Variants in DENND5B observed in about 807,000 individuals in gnomAD.
DENND5B encodes the protein DENN domain containing 5B.
A neutral mutation model predicts 140.6 loss-of-function variants in DENND5B; 34 were observed. That is an observed-to-expected ratio of 0.24 (90% confidence interval 0.18 to 0.32). DENND5B has a LOEUF of 0.32. Among genes scored for constraint, DENND5B ranks in the 10% least tolerant of loss-of-function variants. The pLI is 1.00. For missense variants in DENND5B, 1,142 were observed against 1,560.2 expected, an observed-to-expected ratio of 0.73 and a Z score of 4.52; for synonymous variants, 551 against 562.1, an observed-to-expected ratio of 0.98 and a Z score of 0.28.
chr12:31,563,441 G>A (rs1270251774), intron 1 of DENND5B, among the ~76,000 whole-genome samples: 1 of 152,134 alleles, frequency 6.6e-6, no homozygotes, highest in Non-Finnish European at 1.5e-5. Flanking sequence ...TTCCATTCCT[G>A]TGTAAAGCAG....
At chr12:31,433,728 A>C (rs1209443710) in intron 7 of DENND5B, among the ~76,000 whole-genome samples, 2 of 152,192 alleles carry the variant, frequency 1.3e-5, no homozygotes, top group African/African-American at 4.8e-5. Context: ...CAACCTTTTA[A>C]GGAAAGATTT....
Position 31,403,632 on chromosome 12 carries a change from G to A in DENND5B, c.2804-989C>T, listed in dbSNP as rs1181866683. On this transcript the variant is annotated intron_variant, in intron 14 of 20. Transcript: ENST00000389082. ...AAGAAAAAAGAAAACGGCTGGATGT[G>A]GTGGCCTGTAATCCTAGCACTTTGG... Among the ~76,000 whole-genome samples, 9 of 148,768 alleles carry A rather than the reference G, an allele frequency of 6.0e-5. No homozygotes were observed. The Admixed American group carries it at 6.1e-4, about 10-fold the overall frequency.
chr12:31,393,901 G>T (rs1191133986), intron 17 of DENND5B, among the ~76,000 whole-genome samples: 1 of 152,018 alleles, frequency 6.6e-6, no homozygotes, highest in African/African-American at 2.4e-5. Flanking sequence ...TATTGGTCAC[G>T]CTGGTCTCGA....
rs1049865909 is a variant in DENND5B at position 31,541,600 on chromosome 12, G to T, written c.128-45681C>A. Among the ~76,000 whole-genome samples, 4 of 152,166 alleles carry T rather than the reference G, an allele frequency of 2.6e-5. No individual in the cohort carries two copies. In the East Asian group the frequency reaches 7.7e-4, roughly 29 times the overall value. On this transcript the variant is annotated intron_variant, in intron 1 of 20. Coordinates refer to ENST00000389082, the MANE Select transcript of DENND5B (RefSeq NM_144973.4). Reference sequence around the variant, plus strand: ...GGGAACCCTTGTAGACAGCTGGTGGGAATGTAAATTAGTACAACCACTATG... The same window carrying T: ...GGGAACCCTTGTAGACAGCTGGTGGTAATGTAAATTAGTACAACCACTATG...
At chr12:31,535,073 C>CAAAAAAAAA in intron 1 of DENND5B, 1 of 93,378 alleles carries the variant, frequency 1.1e-5, no homozygotes, top group Non-Finnish European at 1.7e-5. Flanking sequence ...GACTCTGTCT[C>CAAAAAAAAA]AAAAAAAAAA....
chr12:31,409,173 T>C, intron 14 of DENND5B, 90 bp downstream of exon 14: 1 of 1,337,332 alleles, frequency 7.5e-7, no homozygotes, highest in Non-Finnish European at 1.0e-6. Flanking sequence ...ATGTCACATG[T>C]ACTATGGCAT....
chr12:31,587,356 T>C (rs970313716), intron 1 of DENND5B, among the ~76,000 whole-genome samples: 2 of 152,026 alleles, frequency 1.3e-5, no homozygotes, highest in Non-Finnish European at 2.9e-5. Flanking sequence ...CCCCAAAATC[T>C]TGGAGTCATC....
intron 1 of DENND5B, among the ~76,000 whole-genome samples, chr12:31,548,002 A>G (rs889051661): frequency 6.6e-6 from 1 of 152,140 alleles, no homozygotes; most frequent in Admixed American, 6.6e-5. Context: ...CACCGCACCC[A>G]GCCTCTAAAA....
intron 1 of DENND5B, among the ~76,000 whole-genome samples, chr12:31,560,987 G>A (rs1332207060): frequency 6.6e-6 from 1 of 152,144 alleles, no homozygotes; most frequent in East Asian, 1.9e-4. Context: ...AGCAGAGACC[G>A]TGGAAGAAAG....
At chr12:31,590,495 A>T (rs945478723) in intron 1 of DENND5B, 4 of 550,916 alleles carry the variant, frequency 7.3e-6, no homozygotes, top group Non-Finnish European at 1.1e-5. Context: ...CCTGGAGGCG[A>T]AAGCCCCGGT....
chr12:31,439,705 GGAT>G (rs1943940501), intron 7 of DENND5B, among the ~76,000 whole-genome samples: 1 of 151,826 alleles, frequency 6.6e-6, no homozygotes, highest in East Asian at 1.9e-4. Context: ...CGAGGTGGGC[GGAT>G]AACCTGAGGT....
In DENND5B at chr12:31,402,625, A is replaced by G. The variant is rs750469095; in HGVS notation, c.2822T>C (p.Val941Ala). 3 of 1,609,362 alleles carry G rather than the reference A, an allele frequency of 1.9e-6. No individual in the cohort carries two copies. The highest frequency in any genetic ancestry group is 2.2e-5 in the South Asian group (2 of 89,466). The change falls in exon 15 of 21, where the codon GTG becomes GCG. Residue 941 changes from valine to alanine, a missense_variant. This residue lies in a region of DENND5B where 268 missense variants were observed against 349.2 expected (regional missense o/e 0.77). Transcript: ENST00000389082. ...FTTIMIPYRS[V>A]IIPIKKLSNA... ...GCTCAGCTTTTTGATTGGGATGATC[A>G]CTGACCTATACGGAATCACTGAAAG...
intron 5 of DENND5B, among the ~76,000 whole-genome samples, chr12:31,451,154 G>C (rs1944499071): frequency 6.6e-6 from 1 of 152,060 alleles, no homozygotes; most frequent in Non-Finnish European, 1.5e-5. Context: ...ATAGGATAAA[G>C]ACTAAATAAA....
intron 1 of DENND5B, among the ~76,000 whole-genome samples, chr12:31,549,529 A>T (rs1474578433): frequency 6.7e-6 from 1 of 150,300 alleles, no homozygotes; most frequent in African/African-American, 2.5e-5. Context: ...TAATGTGACT[A>T]TTTTTTTTAA....
intron 14 of DENND5B, among the ~76,000 whole-genome samples, chr12:31,405,691 G>A (rs1039389455): frequency 2.0e-5 from 3 of 151,554 alleles, no homozygotes; most frequent in Non-Finnish European, 4.4e-5. Context: ...GGGATTACGG[G>A]GGCTTGCCAC....
intron 2 of DENND5B, among the ~76,000 whole-genome samples, chr12:31,487,304 T>C (rs572059096): frequency 1.3e-5 from 2 of 152,294 alleles, no homozygotes; most frequent in Admixed American, 1.3e-4. Flanking sequence ...AATAACTGTA[T>C]AAGGAAAGGC....
chr12:31,422,736 T>C (rs370382974), intron 11 of DENND5B, among the ~76,000 whole-genome samples: 1 of 152,206 alleles, frequency 6.6e-6, no homozygotes, highest in African/African-American at 2.4e-5. Flanking sequence ...ATGGTTATTT[T>C]ACATAAAGAA....
intron 1 of DENND5B, among the ~76,000 whole-genome samples, chr12:31,547,971 G>C (rs1948918295): frequency 6.6e-6 from 1 of 152,148 alleles, no homozygotes; most frequent in African/African-American, 2.4e-5. Flanking sequence ...TTCCCAAAGT[G>C]CTGGGACTGA....
At chr12:31,474,819 T>C (rs1370602297) in intron 3 of DENND5B, among the ~76,000 whole-genome samples, 1 of 152,188 alleles carries the variant, frequency 6.6e-6, no homozygotes, top group Non-Finnish European at 1.5e-5. Flanking sequence ...TTTTCTCTAA[T>C]AGAAGAGACA....
Sources: allele counts gnomAD v4.1 joint callset (sites outside exome capture counted in the v4.1 genomes callset), GRCh38; gene constraint gnomAD v4.1.1; regional missense constraint gnomAD v4.1.1; transcripts MANE v1.5; gene names NCBI Gene and HGNC (gene_info 2026-07-23, HGNC 2026-07-21).